CDH9: variants seen among roughly 807,000 people sequenced by gnomAD.
The protein encoded by CDH9 is cadherin-9.
CDH9 carries 28 observed loss-of-function variants against 70.9 expected under a neutral mutation model. The observed-to-expected ratio is 0.40, with a 90% CI of 0.29 to 0.54. CDH9 has a LOEUF of 0.54. CDH9 is among the 20% of genes least tolerant of loss of function. The pLI is 0.59. For synonymous variants in CDH9, 409 were observed against 343.1 expected (o/e 1.19, Z -2.12); for missense variants, 874 against 984.4 (o/e 0.89, Z 1.50).
At chr5:26,953,073 T>A (rs904415884) in intron 2 of CDH9, among the ~76,000 whole-genome samples, 1 of 152,172 alleles carries the variant, frequency 6.6e-6, no homozygotes, top group Non-Finnish European at 1.5e-5. Context: ...TTTCTTCACA[T>A]TAACTTCAGC....
intron 1 of CDH9, among the ~76,000 whole-genome samples, chr5:27,011,632 T>C (rs1430872186): frequency 3.3e-5 from 5 of 152,210 alleles, no homozygotes; most frequent in South Asian, 2.1e-4. Flanking sequence ...AGGAAACTTA[T>C]AGTGTTAAAG....
chr5:26,994,946 A>G (rs1285164993), intron 1 of CDH9, among the ~76,000 whole-genome samples: 2 of 151,992 alleles, frequency 1.3e-5, no homozygotes, highest in African/African-American at 4.8e-5. Flanking sequence ...GTTTTGGGGG[A>G]AGTCTCTGAA....
intron 2 of CDH9, among the ~76,000 whole-genome samples, chr5:26,987,091 CTTTT>C (rs201154706): frequency 0.08 from 8,656 of 108,352 alleles, 547 homozygotes; most frequent in African/African-American, 0.27. Flanking sequence ...CACTTGTATT[CTTTT>C]TTTTTTTTTT....
intron 2 of CDH9, among the ~76,000 whole-genome samples, chr5:26,971,572 G>T (rs909356105): frequency 1.3e-5 from 2 of 152,166 alleles, no homozygotes; most frequent in Non-Finnish European, 2.9e-5. Context: ...CTACATGGCT[G>T]AAATGTAGGA....
At chr5:26,906,475 T>A (rs550386649) in intron 4 of CDH9, among the ~76,000 whole-genome samples, 1 of 152,198 alleles carries the variant, frequency 6.6e-6, no homozygotes, top group Non-Finnish European at 1.5e-5. Context: ...TGAATCTCTG[T>A]GAAATTTTGT....
intron 2 of CDH9, among the ~76,000 whole-genome samples, chr5:26,963,368 G>T (rs894672858): frequency 1.3e-5 from 2 of 152,126 alleles, no homozygotes; most frequent in Non-Finnish European, 2.9e-5. Flanking sequence ...AGTCAATTAT[G>T]TCTGAGACTC....
chr5:26,917,273 C>A (rs948400694), intron 2 of CDH9, among the ~76,000 whole-genome samples: 2 of 151,626 alleles, frequency 1.3e-5, no homozygotes, highest in Non-Finnish European at 2.9e-5. Context: ...AGAACATTTA[C>A]AAGGATGTGG....
At chr5:26,893,171 G>A (rs935331738) in intron 7 of CDH9, among the ~76,000 whole-genome samples, 1 of 152,148 alleles carries the variant, frequency 6.6e-6, no homozygotes, top group Non-Finnish European at 1.5e-5. Flanking sequence ...GATCTATTAA[G>A]TAAATGGGTC....
chr5:26,933,907 A>G (rs1036913654), intron 2 of CDH9, among the ~76,000 whole-genome samples: 8 of 152,178 alleles, frequency 5.3e-5, no homozygotes, highest in African/African-American at 1.9e-4. Flanking sequence ...ATTATAAACA[A>G]TTCTGCCTTA....
At position 26,968,269 on chromosome 5, in the gene CDH9, A is replaced by T. The variant is rs935278760; in HGVS notation, c.228+19837T>A. On this transcript the variant is annotated intron_variant, in intron 2 of 11. Transcript: ENST00000231021. Reference sequence around the variant, plus strand: ...TTACAGGGAAACGTTTCTGGAATTGATGGTGTCTGAGGTATTTTTATTTTT... The same window carrying T: ...TTACAGGGAAACGTTTCTGGAATTGTTGGTGTCTGAGGTATTTTTATTTTT... Among the ~76,000 whole-genome samples, 7 of 150,522 alleles carry T rather than the reference A, an allele frequency of 4.7e-5. No individual in the cohort carries two copies. In the East Asian group the frequency reaches 1.4e-3, roughly 30 times the overall value.
chr5:26,992,955 G>C (rs1466618896), intron 1 of CDH9, among the ~76,000 whole-genome samples: 1 of 152,088 alleles, frequency 6.6e-6, no homozygotes, highest in Non-Finnish European at 1.5e-5. Context: ...AATTAGTCTG[G>C]TGTAGTGGCG....
In CDH9 at chr5:26,889,901, C is replaced by A; in HGVS notation, c.1447G>T (p.Asp483Tyr). 1 of 1,604,394 alleles carries A rather than the reference C, an allele frequency of 6.2e-7. No homozygotes were observed. The highest frequency in any genetic ancestry group is 1.1e-5 in the South Asian group (1 of 90,558). Residue 483 changes from aspartate (D) to tyrosine (Y), a missense_variant, in exon 9 of 12, where the codon GAC (aspartate) becomes TAC (tyrosine). By Grantham distance (160) the Asp-to-Tyr change is radical (BLOSUM62 -3). Transcript: ENST00000231021. ...TACATGGCAAATTCCGGAGCATGGT[C>A]ATTTATATCTAGAATTCTGATGAAG... ...PVFIRILDINDHAPEFAMYYE... is the reference protein window; with the variant it reads ...PVFIRILDINYHAPEFAMYYE...
intron 2 of CDH9, among the ~76,000 whole-genome samples, chr5:26,933,047 T>A (rs1036939453): frequency 6.8e-6 from 1 of 147,478 alleles, no homozygotes; most frequent in Middle Eastern, 3.3e-3. Flanking sequence ...TATATTTTAC[T>A]TAAATATAAA....
At chr5:26,945,772 C>T (rs1020450428) in intron 2 of CDH9, among the ~76,000 whole-genome samples, 5 of 151,970 alleles carry the variant, frequency 3.3e-5, no homozygotes, top group East Asian at 1.9e-4. Flanking sequence ...ATGATAATAG[C>T]GGAAACCTGG....
chr5:26,940,128 A>G lies in CDH9; in HGVS notation c.229-24204T>C, dbSNP rs1359165337. Among the ~76,000 whole-genome samples the G allele has an allele frequency of 2.0e-5, 3 of 151,266 alleles. No individual in the cohort carries two copies. The Admixed American group carries it at 2.0e-4, about 10-fold the overall frequency. On this transcript the variant is annotated intron_variant, in intron 2 of 11. Transcript: ENST00000231021. Reference sequence around the variant, plus strand: ...CAGTGAGCCAAGATTGTGCCACTGCATACTAGCCTGGGTGACAGAGCGAGA... The same window carrying G: ...CAGTGAGCCAAGATTGTGCCACTGCGTACTAGCCTGGGTGACAGAGCGAGA...
intron 9 of CDH9, among the ~76,000 whole-genome samples, chr5:26,889,368 T>C (rs1378961333): frequency 6.6e-6 from 1 of 152,062 alleles, no homozygotes; most frequent in Admixed American, 6.6e-5. Flanking sequence ...ACTTTAAAAC[T>C]TACAAAATAT....
At chr5:26,937,894 G>T (rs1741588371) in intron 2 of CDH9, among the ~76,000 whole-genome samples, 1 of 151,958 alleles carries the variant, frequency 6.6e-6, no homozygotes, top group South Asian at 2.1e-4. Flanking sequence ...ATATCAAAAT[G>T]GTGGATGCAA....
chr5:26,925,177 A>G (rs1346733431), intron 2 of CDH9, among the ~76,000 whole-genome samples: 1 of 152,158 alleles, frequency 6.6e-6, no homozygotes, highest in Non-Finnish European at 1.5e-5. Flanking sequence ...AGCATTGTAA[A>G]AGCGTTCCTA....
intron 2 of CDH9, among the ~76,000 whole-genome samples, chr5:26,971,682 T>G (rs1449007935): frequency 3.3e-5 from 5 of 152,190 alleles, no homozygotes. Context: ...TGTGTATACA[T>G]GCCTGCAGCA....
Sources: gnomAD v4.1 joint callset for allele counts (sites outside exome capture counted in the v4.1 genomes callset) on GRCh38, gnomAD v4.1.1 for gene constraint, MANE v1.5 for transcripts, NCBI Gene and HGNC (gene_info 2026-07-23, HGNC 2026-07-21) for gene names.